PHLPP1: variants seen among roughly 807,000 people sequenced by gnomAD.
PHLPP1 encodes PH domain and leucine rich repeat protein phosphatase 1, also known as PH domain leucine-rich repeat-containing protein phosphatase 1.
In PHLPP1, 42 loss-of-function variants were observed where a neutral mutation model predicts 117.2. The observed-to-expected ratio is 0.36, with a 90% CI of 0.28 to 0.46. The LOEUF is 0.46. Among genes scored for constraint, PHLPP1 ranks in the 20% least tolerant of loss-of-function variants. The pLI, the probability that PHLPP1 is intolerant of heterozygous loss-of-function variation, is 1.00. For missense variants in PHLPP1, 2,084 were observed against 2,241.9 expected (o/e 0.93, Z 1.42); for synonymous variants, 1,042 against 970.7 (o/e 1.07, Z -1.37).
chr18:62,788,894 T>A (rs1424491665), intron 1 of PHLPP1, among the ~76,000 whole-genome samples: 2 of 152,184 alleles, frequency 1.3e-5, no homozygotes, highest in Non-Finnish European at 2.9e-5. Flanking sequence ...AGGGAACCAG[T>A]TCTACCAGGC....
chr18:62,881,064 G>T (rs574466939), intron 4 of PHLPP1, among the ~76,000 whole-genome samples: 4 of 152,126 alleles, frequency 2.6e-5, no homozygotes, highest in African/African-American at 9.6e-5. Context: ...TTGTTTGTTT[G>T]TTTGAATTAT....
intron 10 of PHLPP1, among the ~76,000 whole-genome samples, chr18:62,929,720 G>C (rs1909751630): frequency 6.6e-6 from 1 of 152,178 alleles, no homozygotes; most frequent in South Asian, 2.1e-4. Context: ...GGCCAAAGCA[G>C]GAGGATAGCT....
At chr18:62,811,023 G>T in intron 1 of PHLPP1, among the ~76,000 whole-genome samples, 1 of 152,154 alleles carries the variant, frequency 6.6e-6, no homozygotes, top group East Asian at 1.9e-4. Context: ...AGGACACATG[G>T]AGATATAGAG....
At chr18:62,913,741 T>G (rs979150372) in intron 8 of PHLPP1, among the ~76,000 whole-genome samples, 2 of 141,798 alleles carry the variant, frequency 1.4e-5, no homozygotes, top group Non-Finnish European at 3.1e-5. Context: ...CTCTCTCTCT[T>G]TTTTTTTTTT....
rs2144408905 is a variant in PHLPP1 at position 62,904,979 on chromosome 18, A to C, written c.2648-245A>C. On this transcript the variant is annotated intron_variant, in intron 7 of 16. Coordinates refer to ENST00000262719, the MANE Select transcript of PHLPP1 (RefSeq NM_194449.4). Reference sequence around the variant, plus strand: ...CTGCATAACAATAAGAGCAACAGTAAATGGATAGCAAAGAGGTAGGAAATT... The same window carrying C: ...CTGCATAACAATAAGAGCAACAGTACATGGATAGCAAAGAGGTAGGAAATT... Among the ~76,000 whole-genome samples, 3 of 152,312 alleles carry C rather than the reference A, an allele frequency of 2.0e-5. 1 individual carries two copies. The Middle Eastern group carries it at 0.01, about 518-fold the overall frequency.
At chr18:62,726,100 ATATATG>A (rs1911061068) in intron 1 of PHLPP1, among the ~76,000 whole-genome samples, 2 of 151,824 alleles carry the variant, frequency 1.3e-5, no homozygotes, top group African/African-American at 4.8e-5. Flanking sequence ...CACACACTAT[ATATATG>A]TATGTGTATA....
chr18:62,900,320 TAAATAAATAAATAAATAAA>T (rs1916679297), intron 6 of PHLPP1, among the ~76,000 whole-genome samples: 1 of 30,294 alleles, frequency 3.3e-5, no homozygotes, highest in Non-Finnish European at 1.0e-4. Flanking sequence ...AATAAATAAA[TAAATAAATAAATAAATAAA>T]TAAATAAATA....
intron 12 of PHLPP1, among the ~76,000 whole-genome samples, chr18:62,945,593 G>A (rs1910259000): frequency 1.3e-5 from 2 of 152,142 alleles, no homozygotes; most frequent in African/African-American, 4.8e-5. Context: ...TTTCCAGGGT[G>A]GTTATGAGGC....
intron 6 of PHLPP1, among the ~76,000 whole-genome samples, chr18:62,901,221 G>T (rs1232896124): frequency 6.6e-6 from 1 of 152,124 alleles, no homozygotes; most frequent in Non-Finnish European, 1.5e-5. Flanking sequence ...TGTAGATTGG[G>T]AAGAAGATGG....
chr18:62,747,436 C>G (rs964559525), intron 1 of PHLPP1, among the ~76,000 whole-genome samples: 5 of 151,918 alleles, frequency 3.3e-5, no homozygotes, highest in African/African-American at 9.7e-5. Context: ...AGCCACAGCG[C>G]CCAGCCGATT....
chr18:62,876,491 A>G (rs1298210807), intron 4 of PHLPP1, among the ~76,000 whole-genome samples: 2 of 152,206 alleles, frequency 1.3e-5, no homozygotes, highest in Non-Finnish European at 2.9e-5. Flanking sequence ...ATCCTTTTAT[A>G]GTAAGCATCT....
intron 1 of PHLPP1, among the ~76,000 whole-genome samples, chr18:62,801,302 CA>C (rs1913775558): frequency 6.6e-6 from 1 of 151,528 alleles, no homozygotes; most frequent in Non-Finnish European, 1.5e-5. Flanking sequence ...CTTGGCCTCC[CA>C]AAGTGCTGGG....
chr18:62,838,689 C>A, intron 2 of PHLPP1, 95 bp from the exon 3 acceptor site: 1 of 1,223,566 alleles, frequency 8.2e-7, no homozygotes, highest in Non-Finnish European at 1.2e-6. Context: ...ACATGCAAAT[C>A]CATGCAGGCT....
At chr18:62,858,801 A>T (rs1915561832) in intron 3 of PHLPP1, among the ~76,000 whole-genome samples, 1 of 152,174 alleles carries the variant, frequency 6.6e-6, no homozygotes, top group Non-Finnish European at 1.5e-5. Context: ...TTAATAAAAA[A>T]TAAAATGTGA....
At chr18:62,913,353 T>C (rs985993397) in intron 8 of PHLPP1, among the ~76,000 whole-genome samples, 1 of 152,204 alleles carries the variant, frequency 6.6e-6, no homozygotes, top group Admixed American at 6.5e-5. Context: ...CAGAACTGTA[T>C]GTGCTTATAC....
chr18:62,836,556 G>A (rs1250143048), intron 2 of PHLPP1, among the ~76,000 whole-genome samples: 1 of 151,812 alleles, frequency 6.6e-6, no homozygotes, highest in East Asian at 1.9e-4. Context: ...TTACCTGTAA[G>A]TTTCCTTTCT....
chr18:62,938,606 AGAT>A (rs895812960), intron 10 of PHLPP1, among the ~76,000 whole-genome samples: 13 of 152,238 alleles, frequency 8.5e-5, no homozygotes, highest in African/African-American at 3.1e-4. Flanking sequence ...TATGCAGTTC[AGAT>A]GATGTCCTTT....
At chr18:62,826,860 C>T (rs905489000) in intron 1 of PHLPP1, among the ~76,000 whole-genome samples, 3 of 151,914 alleles carry the variant, frequency 2.0e-5, no homozygotes, top group Non-Finnish European at 4.4e-5. Flanking sequence ...ATTAGCCGGG[C>T]ATGGTGGCAC....
chr18:62,838,103 T>C (rs148639426), intron 2 of PHLPP1: 1 of 152,230 alleles, frequency 6.6e-6, no homozygotes, highest in East Asian at 1.9e-4. Context: ...TATCTTCTTT[T>C]ATTGCAACAT....
Sources: allele counts gnomAD v4.1 joint callset (sites outside exome capture counted in the v4.1 genomes callset), GRCh38; gene constraint gnomAD v4.1.1; transcripts MANE v1.5; gene names NCBI Gene and HGNC (gene_info 2026-07-23, HGNC 2026-07-21).